B4GALT1: variants seen among roughly 807,000 people sequenced by gnomAD.
B4GALT1 encodes the protein beta-1,4-galactosyltransferase 1, also known as N-acetyllactosamine synthase.
Under a neutral mutation model 34.9 loss-of-function variants are expected in B4GALT1, and 16 were observed. The observed-to-expected ratio is 0.46, with a 90% CI of 0.31 to 0.70. The LOEUF (loss-of-function observed/expected upper bound fraction) is 0.70. Among genes scored for constraint, B4GALT1 ranks in the 30% least tolerant of loss-of-function variants. The probability of loss-of-function intolerance (pLI) is 0.05; values close to 1 mark genes in which losing one functional copy is unlikely to be tolerated. For missense variants in B4GALT1, 445 were observed against 530.5 expected (o/e 0.84, Z 1.58); for synonymous variants, 221 against 218.1 (o/e 1.01, Z -0.12).
rs534250668 is a variant in B4GALT1 at position 33,110,667 on chromosome 9, CGTTAT to C, written c.*2782_*2786del. 1.8e-4 allele frequency: 27 copies of C among 152,218 alleles called. No homozygotes were observed. The East Asian group carries it at 5.2e-3, about 29-fold the overall frequency. 9.4% of individuals were successfully genotyped at this position (152,218 alleles called of 1,614,324 possible). ...TTACAAAGATAGGGTCATTTATTCA[CGTTAT>C]ATTATTTAATTTTAAAGGCAAAAAT... On this transcript the variant is annotated 3_prime_UTR_variant, in exon 6 of 6. Transcript: ENST00000379731.
At chr9:33,129,791 T>C (rs776507174) in intron 2 of B4GALT1, among the ~76,000 whole-genome samples, 10 of 151,936 alleles carry the variant, frequency 6.6e-5, no homozygotes, top group Non-Finnish European at 1.2e-4. Flanking sequence ...GCTTAAAAGA[T>C]AGCCAGAGAC....
chr9:33,176,789 T>TC, the B4GALT1 span, among the ~76,000 whole-genome samples: 1 of 152,132 alleles, frequency 6.6e-6, no homozygotes, highest in Non-Finnish European at 1.5e-5. Context: ...AACCTCAGCA[T>TC]CATGCAATAT....
chr9:33,182,837 T>G, the B4GALT1 span, among the ~76,000 whole-genome samples: 48 of 152,284 alleles, frequency 3.2e-4, no homozygotes, highest in Middle Eastern at 3.4e-3. Context: ...ATAATTTTTA[T>G]TGTGGAAAAT....
intron 2 of B4GALT1, among the ~76,000 whole-genome samples, chr9:33,133,669 T>C (rs1354097246): frequency 1.3e-5 from 2 of 152,258 alleles, no homozygotes; most frequent in South Asian, 2.1e-4. Context: ...CAGGTGTTCA[T>C]AGGGCCCTGG....
At chr9:33,132,999 T>C (rs1840216516) in intron 2 of B4GALT1, among the ~76,000 whole-genome samples, 1 of 152,054 alleles carries the variant, frequency 6.6e-6, no homozygotes, top group Non-Finnish European at 1.5e-5. Context: ...GCCTCCTGGG[T>C]TCAAGAGATT....
At chr9:33,166,674 A>T in intron 1 of B4GALT1, 84 bp downstream of exon 1, 1 of 1,382,536 alleles carries the variant, frequency 7.2e-7, no homozygotes, top group African/African-American at 1.5e-5. Flanking sequence ...TAGAAGAGCC[A>T]GCCTGAGGGA....
In B4GALT1 at chr9:33,120,552, C is replaced by A; in HGVS notation, c.703G>T (p.Ala235Ser). 6.2e-7 allele frequency: 1 copy of A among 1,614,212 alleles called. No homozygotes were observed. The highest frequency in any genetic ancestry group is 1.1e-5 in the South Asian group (1 of 91,088). The stretch of plus-strand genomic sequence containing the variant: ...CAGGTGTAGTCATAGTCCTTCAAGG[C>A]TTCTTGAAAGCCAACATTGAGGAGC... ...AKLLNVGFQE[A>S]LKDYDYTCFV... is the part of the protein sequence containing the mutation. Residue 235 changes from alanine (A) to serine (S), a missense_variant, in exon 3 of 6, where the codon GCC becomes TCC. Transcript: ENST00000379731.
At chr9:33,167,880 T>G (rs1186217276), upstream of B4GALT1, among the ~76,000 whole-genome samples, 1 of 152,200 alleles carries the variant, frequency 6.6e-6, no homozygotes, top group Non-Finnish European at 1.5e-5. Context: ...CCTCCCTAAC[T>G]CAGCCCGGCT....
At chr9:33,130,850 G>A (rs1460949336) in intron 2 of B4GALT1, among the ~76,000 whole-genome samples, 5 of 152,050 alleles carry the variant, frequency 3.3e-5, no homozygotes, top group South Asian at 2.1e-4. Flanking sequence ...AGCAGGAGGC[G>A]GTGGGAGCCA....
chr9:33,121,969 C>T (rs1000686551), intron 2 of B4GALT1, among the ~76,000 whole-genome samples: 17 of 152,140 alleles, frequency 1.1e-4, no homozygotes, highest in Non-Finnish European at 4.4e-5. Context: ...ACTGACATTG[C>T]CACGCCTCAC....
chr9:33,157,924 G>A (rs906185472), intron 1 of B4GALT1, among the ~76,000 whole-genome samples: 2 of 152,134 alleles, frequency 1.3e-5, no homozygotes, highest in African/African-American at 4.8e-5. Flanking sequence ...GGCACAGAGA[G>A]GATAACAACT....
chr9:33,158,579 G>A (rs58325309), intron 1 of B4GALT1, among the ~76,000 whole-genome samples: 13,768 of 152,152 alleles, frequency 0.09, 881 homozygotes, highest in African/African-American at 0.18. Flanking sequence ...AGAGGAAATC[G>A]CAGGTTACTT....
exon 3 of B4GALT1, chr9:33,104,150 A>C: frequency 6.6e-6 from 1 of 152,228 alleles, no homozygotes; most frequent in Non-Finnish European, 1.5e-5. Flanking sequence ...CGCCAGTACC[A>C]AGTCCTGTCT....
At chr9:33,148,806 A>AAAC (rs1840465825) in intron 1 of B4GALT1, among the ~76,000 whole-genome samples, 1 of 137,156 alleles carries the variant, frequency 7.3e-6, no homozygotes, top group African/African-American at 2.5e-5. Flanking sequence ...CCTAAAAGTA[A>AAAC]AAAAAAAAAA....
chr9:33,182,239 T>C, the B4GALT1 span, among the ~76,000 whole-genome samples: 6 of 152,254 alleles, frequency 3.9e-5, no homozygotes, highest in Non-Finnish European at 8.8e-5. Flanking sequence ...CATGGCCTTC[T>C]CTCTGCCTAT....
chr9:33,157,658 G>T lies in B4GALT1; in HGVS notation c.412+9100C>A, dbSNP rs138524837. The stretch of plus-strand genomic sequence containing the variant: ...TGTTACAGAAGTGGGAGCATGTTCT[G>T]TTACAATGGTAAGTAGAATTTTTTT... On this transcript the variant is annotated intron_variant, in intron 1 of 5. Transcript: ENST00000379731. Among the ~76,000 whole-genome samples the T allele has an allele frequency of 2.6e-3, 395 of 151,640 alleles. 2 individuals are homozygous for T. The highest frequency in any genetic ancestry group is 8.8e-3 in the African/African-American group (365 of 41,314).
chr9:33,130,482 C>A (rs777896476), intron 2 of B4GALT1, among the ~76,000 whole-genome samples: 8 of 131,168 alleles, frequency 6.1e-5, no homozygotes, highest in Non-Finnish European at 1.3e-4. Flanking sequence ...GGAGGAGAGA[C>A]CTTAAGGAAA....
intron 1 of B4GALT1, among the ~76,000 whole-genome samples, chr9:33,165,251 A>C: frequency 6.6e-6 from 1 of 152,124 alleles, no homozygotes; most frequent in Admixed American, 6.5e-5. Context: ...TACAGGCGTG[A>C]GCCACCATGC....
chr9:33,149,914 C>T (rs751088136), intron 1 of B4GALT1, among the ~76,000 whole-genome samples: 1 of 152,120 alleles, frequency 6.6e-6, no homozygotes, highest in Non-Finnish European at 1.5e-5. Flanking sequence ...CACTAAGAGA[C>T]ATGACAACTG....
Sources: allele counts gnomAD v4.1 joint callset (sites outside exome capture counted in the v4.1 genomes callset), GRCh38; gene constraint gnomAD v4.1.1; transcripts MANE v1.5; gene names NCBI Gene and HGNC (gene_info 2026-07-23, HGNC 2026-07-21).